Variants in ATOSA observed in about 807,000 individuals in gnomAD.
ATOSA encodes the protein atos homolog protein A.
the ATOSA span, chr15:52,600,949 CGT>C: frequency 1.6e-6 from 1 of 609,038 alleles, no homozygotes; most frequent in Non-Finnish European, 2.9e-6. Flanking sequence ...TTAATAACTG[CGT>C]GTGTACATGG....
chr15:52,662,575 C>T, the ATOSA span, among the ~76,000 whole-genome samples: 1 of 151,946 alleles, frequency 6.6e-6, no homozygotes, highest in Non-Finnish European at 1.5e-5. Context: ...TCGAGACCAT[C>T]CTGGCTAACA....
the ATOSA span, among the ~76,000 whole-genome samples, chr15:52,618,897 T>C: frequency 1.3e-5 from 2 of 152,166 alleles, no homozygotes; most frequent in African/African-American, 2.4e-5. Flanking sequence ...GCTTTGGTCA[T>C]TGTCTCTGTG....
chr15:52,706,407 A>T, the ATOSA span, among the ~76,000 whole-genome samples: 1 of 152,332 alleles, frequency 6.6e-6, no homozygotes, highest in South Asian at 2.1e-4. Flanking sequence ...CCATAGTGGC[A>T]TGGCTTTAGC....
At chr15:52,674,223 A>G in the ATOSA span, among the ~76,000 whole-genome samples, 1 of 152,126 alleles carries the variant, frequency 6.6e-6, no homozygotes, top group Non-Finnish European at 1.5e-5. Flanking sequence ...CATTTTATTT[A>G]TTTTTAAATA....
At chr15:52,596,083 C>T in the ATOSA span, among the ~76,000 whole-genome samples, 1 of 152,028 alleles carries the variant, frequency 6.6e-6, no homozygotes, top group Non-Finnish European at 1.5e-5. Context: ...AGCTACACTC[C>T]AGCCTGGGTG....
chr15:52,627,350 T>C, the ATOSA span, among the ~76,000 whole-genome samples: 4 of 152,210 alleles, frequency 2.6e-5, no homozygotes, highest in Non-Finnish European at 5.9e-5. Context: ...CTTATTATAA[T>C]GCCCTGTTTG....
At chr15:52,675,918 G>C in the ATOSA span, among the ~76,000 whole-genome samples, 1 of 146,266 alleles carries the variant, frequency 6.8e-6, no homozygotes, top group Admixed American at 6.7e-5. Flanking sequence ...AAAAAAAAAA[G>C]AAAAAGAAAA....
chr15:52,685,770 G>A, the ATOSA span, among the ~76,000 whole-genome samples: 1 of 152,156 alleles, frequency 6.6e-6, no homozygotes, highest in African/African-American at 2.4e-5. Context: ...GTGTAGTGGA[G>A]TATCTTAGCT....
chr15:52,617,445 C>A, the ATOSA span, among the ~76,000 whole-genome samples: 145 of 152,188 alleles, frequency 9.5e-4, no homozygotes, highest in African/African-American at 3.4e-3. Context: ...CCACCCAAAT[C>A]TATGGTATTT....
chr15:52,602,553 G>T, the ATOSA span, among the ~76,000 whole-genome samples: 1 of 151,982 alleles, frequency 6.6e-6, no homozygotes, highest in African/African-American at 2.4e-5. Flanking sequence ...ACTAATACTA[G>T]ATGGATTTCA....
At chr15:52,584,647 A>T in the ATOSA span, 1 of 1,040,388 alleles carries the variant, frequency 9.6e-7, no homozygotes, top group Non-Finnish European at 1.4e-6. Context: ...CAAAGTCCCA[A>T]GGGACACTGG....
At chr15:52,696,483 C>G in the ATOSA span, among the ~76,000 whole-genome samples, 34 of 152,094 alleles carry the variant, frequency 2.2e-4, no homozygotes, top group Non-Finnish European at 4.4e-4. Flanking sequence ...ACAGAGGGTC[C>G]TAGCTTGGGA....
chr15:52,650,945 AC>A, the ATOSA span, among the ~76,000 whole-genome samples: 1 of 152,222 alleles, frequency 6.6e-6, no homozygotes, highest in Non-Finnish European at 1.5e-5. Flanking sequence ...TGAGAAAGAT[AC>A]AAAAAGACCT....
the ATOSA span, among the ~76,000 whole-genome samples, chr15:52,630,453 T>C: frequency 1.3e-5 from 2 of 152,188 alleles, no homozygotes; most frequent in African/African-American, 4.8e-5. Context: ...ATATAAGATG[T>C]AGAACTCCTT....
At chr15:52,599,293 T>G in the ATOSA span, among the ~76,000 whole-genome samples, 7 of 152,324 alleles carry the variant, frequency 4.6e-5, no homozygotes, top group Non-Finnish European at 1.5e-5. Context: ...GCAATTTTAA[T>G]TTGATGACAA....
the ATOSA span, among the ~76,000 whole-genome samples, chr15:52,661,497 T>G: frequency 6.6e-6 from 1 of 152,198 alleles, no homozygotes; most frequent in Non-Finnish European, 1.5e-5. Context: ...ACTGTAAAAA[T>G]GAAAGAAACT....
At chr15:52,633,095 G>C in the ATOSA span, among the ~76,000 whole-genome samples, 2 of 152,108 alleles carry the variant, frequency 1.3e-5, no homozygotes, top group African/African-American at 4.8e-5. Flanking sequence ...ATGTATTAGG[G>C]GAGAAGGGAA....
At chr15:52,608,460 C>T in the ATOSA span, 1 of 1,090,198 alleles carries the variant, frequency 9.2e-7, no homozygotes, top group Non-Finnish European at 1.3e-6. Flanking sequence ...GACTGTGTGT[C>T]CTATAGATAA....
At chr15:52,608,840 T>C in the ATOSA span, 4 of 1,608,366 alleles carry the variant, frequency 2.5e-6, no homozygotes, top group African/African-American at 1.3e-5. Flanking sequence ...TATTCAGACA[T>C]TTCCAACACA....
Sources: allele counts gnomAD v4.1 joint callset (sites outside exome capture counted in the v4.1 genomes callset), GRCh38; gene constraint gnomAD v4.1.1; transcripts MANE v1.5; gene names NCBI Gene and HGNC (gene_info 2026-07-23, HGNC 2026-07-21).